EIF2AK3: variants seen among roughly 807,000 people sequenced by gnomAD.
EIF2AK3 encodes eukaryotic translation initiation factor 2 alpha kinase 3.
EIF2AK3 carries 50 observed loss-of-function variants against 113.5 expected under a neutral mutation model. That is an observed-to-expected ratio of 0.44 (90% CI 0.35 to 0.56). The LOEUF (loss-of-function observed/expected upper bound fraction) is 0.56. Among genes scored for constraint, EIF2AK3 ranks in the 20% least tolerant of loss-of-function variants. EIF2AK3 has a pLI of 0.00. For synonymous variants in EIF2AK3, 448 were observed against 495.4 expected, an observed-to-expected ratio of 0.90 and a Z score of 1.27; for missense variants, 1,185 against 1,378.0, an observed-to-expected ratio of 0.86 and a Z score of 2.22.
At chr2:88,593,904 A>C in intron 3 of EIF2AK3, 1 of 996,652 alleles carries the variant, frequency 1.0e-6, no homozygotes. Flanking sequence ...ATCCTCACGA[A>C]AAGCATACCT....
intron 10 of EIF2AK3, 60 bp from the exon 11 acceptor site, chr2:88,579,700 G>A (rs1301744817): frequency 1.3e-5 from 19 of 1,507,006 alleles, no homozygotes; most frequent in Non-Finnish European, 1.6e-5. Flanking sequence ...GTGGTAATGT[G>A]AAAATCAGTT....
At chr2:88,626,824 G>C (rs1675872875) in intron 1 of EIF2AK3, 143 bp downstream of exon 1, 1 of 1,169,054 alleles carries the variant, frequency 8.6e-7, no homozygotes, top group Non-Finnish European at 1.2e-6. Flanking sequence ...TCGTGGCCCC[G>C]CGCTCGTCCC....
In EIF2AK3 at chr2:88,576,708, AAG is replaced by A. The variant is rs371431418; in HGVS notation, c.1887-7_1887-6del. On this transcript the variant is annotated splice_polypyrimidine_tract_variant and splice_region_variant and intron_variant, in intron 11 of 16. Transcript: ENST00000303236. ...ACCTTTTCCCGAGCCAATTCCCTGA[AAG>A]AGAGAAAATATTTAAGGTGATGGAT... 8.1e-6 allele frequency: 13 copies of A among 1,613,968 alleles called. No homozygotes were observed. Among genetic ancestry groups the A allele is most frequent in the South Asian group, 4.4e-5 (4 of 91,078 alleles).
At chr2:88,579,078 G>A (rs1196964946) in intron 11 of EIF2AK3, among the ~76,000 whole-genome samples, 1 of 152,010 alleles carries the variant, frequency 6.6e-6, no homozygotes, top group East Asian at 1.9e-4. Flanking sequence ...GTACAGTACT[G>A]GCAACTGGCT....
rs965413597 is a variant in EIF2AK3 at position 88,602,069 on chromosome 2, T to C, written c.439-6406A>G. Among the ~76,000 whole-genome samples, 17 of 152,176 alleles carry C rather than the reference T, an allele frequency of 1.1e-4. 1 individual carries two copies. Among genetic ancestry groups the C allele is most frequent in the Admixed American group, 1.1e-3 (17 of 15,290 alleles). On this transcript the variant is annotated intron_variant, in intron 2 of 16. Transcript: ENST00000303236. The stretch of plus-strand genomic sequence containing the variant: ...GGTTTCACCATGTTAGCCAGGGTGG[T>C]CTCAGTCTCCTGACCTCGTGATCTG...
intron 11 of EIF2AK3, 111 bp from the exon 12 acceptor site, chr2:88,576,814 A>G (rs1032431377): frequency 8.5e-7 from 1 of 1,178,408 alleles, no homozygotes; most frequent in Non-Finnish European, 1.2e-6. Context: ...ATATACCAAT[A>G]AAAAAGGAAA....
At chr2:88,617,293 T>C (rs915988282) in intron 1 of EIF2AK3, among the ~76,000 whole-genome samples, 2 of 152,286 alleles carry the variant, frequency 1.3e-5, no homozygotes, top group East Asian at 1.9e-4. Flanking sequence ...ATATATACCA[T>C]AGAATACTAT....
At chr2:88,602,404 C>T (rs1199534487) in intron 2 of EIF2AK3, among the ~76,000 whole-genome samples, 1 of 151,830 alleles carries the variant, frequency 6.6e-6, no homozygotes, top group East Asian at 1.9e-4. Flanking sequence ...TGTGTATAAG[C>T]TAAGAAGCAA....
chr2:88,577,623 C>T (rs1220304440), intron 11 of EIF2AK3, among the ~76,000 whole-genome samples: 1 of 152,106 alleles, frequency 6.6e-6, no homozygotes, highest in African/African-American at 2.4e-5. Flanking sequence ...AAATGATCCA[C>T]CCGCCTAGGA....
rs1674868310 is a variant in EIF2AK3 at position 88,590,807 on chromosome 2, G to A, written c.1002+11C>T. Reference sequence around the variant, plus strand: ...AGAACCGTATTTTAAATCCTCAGTGGTGTTAGGTACCTGGTACTCCCATTC... The same window carrying A: ...AGAACCGTATTTTAAATCCTCAGTGATGTTAGGTACCTGGTACTCCCATTC... On this transcript the variant is annotated intron_variant, in intron 5 of 16. Transcript: ENST00000303236. 6.2e-7 allele frequency: 1 copy of A among 1,612,990 alleles called. No individual in the cohort carries two copies. The highest frequency in any genetic ancestry group is 8.5e-7 in the Non-Finnish European group (1 of 1,179,166).
chr2:88,574,973 A>G lies in EIF2AK3; in HGVS notation c.2510T>C (p.Leu837Pro), dbSNP rs1317118350. 1.2e-6 allele frequency: 2 copies of G among 1,614,174 alleles called. No homozygotes were observed. The highest frequency in any genetic ancestry group is 1.7e-5 in the Admixed American group (1 of 60,022). The change falls in exon 13 of 17, where the codon CTA becomes CCA. Residue 837 changes from leucine (L) to proline (P), a missense_variant. Leu to Pro is a moderately conservative substitution (Grantham distance 98, BLOSUM62 -3). Around this residue, in one of 3 missense-constraint regions of EIF2AK3, gnomAD observed 877 missense variants for 1,024.2 expected, o/e 0.86. Coordinates refer to ENST00000303236, the MANE Select transcript of EIF2AK3 (RefSeq NM_004836.7). Reference sequence around the variant, plus strand: ...GCTACTGGTGGGCTTGAAAGCAGTTAGTTTATTAGCACAATGGTTGCCAAT... The same window carrying G: ...GCTACTGGTGGGCTTGAAAGCAGTTGGTTTATTAGCACAATGGTTGCCAAT... ...LHIGNHCANKLTAFKPTSSKS... is the reference protein window; with the variant it reads ...LHIGNHCANKPTAFKPTSSKS...
At chr2:88,577,456 G>A (rs1299491631) in intron 11 of EIF2AK3, among the ~76,000 whole-genome samples, 1 of 150,482 alleles carries the variant, frequency 6.6e-6, no homozygotes, top group Non-Finnish European at 1.5e-5. Context: ...GGTGCTACAA[G>A]CTATCTTTTT....
chr2:88,606,381 C>T (rs1364868324), intron 2 of EIF2AK3, among the ~76,000 whole-genome samples: 1 of 151,976 alleles, frequency 6.6e-6, no homozygotes, highest in South Asian at 2.1e-4. Flanking sequence ...GATAAATTAG[C>T]TTAGTTCACA....
chr2:88,571,548 A>C (rs1470872603), intron 13 of EIF2AK3, among the ~76,000 whole-genome samples: 1 of 152,204 alleles, frequency 6.6e-6, no homozygotes, highest in Non-Finnish European at 1.5e-5. Context: ...AAGTTAAACA[A>C]ATTGCCCAAG....
chr2:88,614,927 C>A (rs1227226290), intron 1 of EIF2AK3, among the ~76,000 whole-genome samples: 2 of 152,180 alleles, frequency 1.3e-5, no homozygotes, highest in East Asian at 3.8e-4. Flanking sequence ...CGACCACCAA[C>A]CTCAAAAAGG....
intron 2 of EIF2AK3, among the ~76,000 whole-genome samples, chr2:88,609,739 G>C (rs2104464131): frequency 6.6e-6 from 1 of 152,212 alleles, no homozygotes; most frequent in East Asian, 1.9e-4. Flanking sequence ...AATGAACAAA[G>C]TGAACTTTTT....
At chr2:88,618,850 A>G (rs1264938725) in intron 1 of EIF2AK3, among the ~76,000 whole-genome samples, 7 of 152,148 alleles carry the variant, frequency 4.6e-5, no homozygotes, top group Admixed American at 4.6e-4. Context: ...CTCTCAAGAA[A>G]GATTTTCAAT....
chr2:88,567,070 C>T (rs1011281358), intron 14 of EIF2AK3, among the ~76,000 whole-genome samples: 1 of 152,106 alleles, frequency 6.6e-6, no homozygotes, highest in Non-Finnish European at 1.5e-5. Context: ...CATAAAAAGG[C>T]ATTTACAATA....
In EIF2AK3 at chr2:88,593,263, A is replaced by T. The variant is rs1434448380; in HGVS notation, c.767+9T>A. The T allele has an allele frequency of 6.2e-7, 1 of 1,614,050 alleles. No homozygotes were observed. The highest frequency in any genetic ancestry group is 1.7e-5 in the Admixed American group (1 of 60,016). Reference sequence around the variant, plus strand: ...ATAATACCAACAGCAACATTATCTGAATACACACTTCTCATTGCCACTGCG... The same window carrying T: ...ATAATACCAACAGCAACATTATCTGTATACACACTTCTCATTGCCACTGCG... On this transcript the variant is annotated intron_variant, in intron 4 of 16. Transcript: ENST00000303236.
Sources: allele counts gnomAD v4.1 joint callset (sites outside exome capture counted in the v4.1 genomes callset), GRCh38; gene constraint gnomAD v4.1.1; regional missense constraint gnomAD v4.1.1; transcripts MANE v1.5; gene names NCBI Gene and HGNC (gene_info 2026-07-23, HGNC 2026-07-21).